The following TMEM117 variants were observed in gnomAD, a reference collection of about 807,000 sequenced individuals.
TMEM117 encodes transmembrane protein 117.
In TMEM117, 27 loss-of-function variants were observed where a neutral mutation model predicts 52.4. The observed-to-expected ratio is 0.51, with a 90% CI of 0.38 to 0.71. The LOEUF (loss-of-function observed/expected upper bound fraction) is 0.71, where lower values mean the gene tolerates loss of function less well. TMEM117 is among the 30% of genes least tolerant of loss of function. The probability of loss-of-function intolerance (pLI) is 0.00; values close to 1 mark genes in which losing one functional copy is unlikely to be tolerated. For synonymous variants in TMEM117, 215 were observed against 206.3 expected (o/e 1.04, Z -0.36); for missense variants, 556 against 630.5 (o/e 0.88, Z 1.26).
chr12:44,019,851 C>G (rs1946429521), intron 3 of TMEM117, among the ~76,000 whole-genome samples: 1 of 152,128 alleles, frequency 6.6e-6, no homozygotes, highest in Non-Finnish European at 1.5e-5. Flanking sequence ...ATGAATCCCC[C>G]CAAACTTCTT....
At position 44,290,315 on chromosome 12, in the gene TMEM117, C is replaced by G. The variant is rs538574198; in HGVS notation, c.609-9265C>G. Among the ~76,000 whole-genome samples the G allele has an allele frequency of 1.3e-4, 20 of 152,208 alleles. No homozygotes were observed. In the South Asian group the frequency reaches 2.5e-3, roughly 19 times the overall value. On this transcript the variant is annotated intron_variant, in intron 5 of 7. Transcript: ENST00000266534. ...CATTGCCAATACGAATGTCAAGGAGCTTTTTCCCTGTTTTCTTATAAGAGT... is the reference window on the plus strand; with the variant it reads ...CATTGCCAATACGAATGTCAAGGAGGTTTTTCCCTGTTTTCTTATAAGAGT...
At chr12:43,822,624 T>C in the TMEM117 span, among the ~76,000 whole-genome samples, 1 of 152,162 alleles carries the variant, frequency 6.6e-6, no homozygotes, top group Non-Finnish European at 1.5e-5. Context: ...ATAAATGATA[T>C]GTTTACCTGT....
At chr12:43,859,062 G>A (rs1447693907) in intron 2 of TMEM117, among the ~76,000 whole-genome samples, 1 of 152,178 alleles carries the variant, frequency 6.6e-6, no homozygotes, top group Non-Finnish European at 1.5e-5. Context: ...ATCTCAGAGT[G>A]AATGGAATTG....
intron 6 of TMEM117, among the ~76,000 whole-genome samples, chr12:44,315,130 T>A (rs1951037921): frequency 6.6e-6 from 1 of 152,206 alleles, no homozygotes; most frequent in Non-Finnish European, 1.5e-5. Flanking sequence ...TTGCACTTTT[T>A]TGGATCTTCT....
At chr12:44,268,263 A>G (rs11615732) in intron 5 of TMEM117, among the ~76,000 whole-genome samples, 4,647 of 151,748 alleles carry the variant, frequency 0.031, 108 homozygotes, top group Admixed American at 0.044. Context: ...TCAAGCTCCC[A>G]AGTAGCTAGG....
chr12:43,905,567 G>A (rs5019975), intron 2 of TMEM117, among the ~76,000 whole-genome samples: 108,730 of 151,770 alleles, frequency 0.72, 42,028 homozygotes, highest in East Asian at 0.87. Flanking sequence ...AACCATAATG[G>A]GTAATAGCAG....
At chr12:43,799,377 G>A in the TMEM117 span, 1 of 1,500,762 alleles carries the variant, frequency 6.7e-7, no homozygotes, top group African/African-American at 1.4e-5. Context: ...ATCTTGCAAA[G>A]ACTTTGTAGT....
intron 6 of TMEM117, among the ~76,000 whole-genome samples, chr12:44,337,520 C>G (rs747361227): frequency 2.6e-5 from 4 of 151,966 alleles, no homozygotes; most frequent in Admixed American, 6.6e-5. Flanking sequence ...AAAGAGATCT[C>G]AGGAGATGAA....
At chr12:44,344,458 G>A (rs1462459154) in intron 6 of TMEM117, among the ~76,000 whole-genome samples, 1 of 151,944 alleles carries the variant, frequency 6.6e-6, no homozygotes, top group African/African-American at 2.4e-5. Context: ...ATTTCTGCTA[G>A]GCCTCTCAAA....
chr12:44,069,569 A>G (rs112525153), intron 3 of TMEM117, among the ~76,000 whole-genome samples: 16 of 152,172 alleles, frequency 1.1e-4, no homozygotes, highest in African/African-American at 3.6e-4. Context: ...GAGGTCAGAA[A>G]GTTCATAAGG....
chr12:44,386,801 T>A (rs928211369), intron 7 of TMEM117, among the ~76,000 whole-genome samples: 2 of 152,128 alleles, frequency 1.3e-5, no homozygotes, highest in Non-Finnish European at 2.9e-5. Flanking sequence ...TATTTAGCCT[T>A]ACATATAATA....
At chr12:44,334,250 G>T (rs1048235199) in intron 6 of TMEM117, among the ~76,000 whole-genome samples, 7 of 151,994 alleles carry the variant, frequency 4.6e-5, no homozygotes, top group Admixed American at 2.6e-4. Flanking sequence ...AATTGTATCT[G>T]CTGTGGAAAT....
intron 6 of TMEM117, among the ~76,000 whole-genome samples, chr12:44,315,927 ATCTT>A (rs1276004618): frequency 2.0e-5 from 3 of 152,154 alleles, no homozygotes; most frequent in Non-Finnish European, 2.9e-5. Context: ...TTCATGATAG[ATCTT>A]TCTTTCTCCA....
At chr12:43,837,679 G>A (rs11182293) in intron 1 of TMEM117, among the ~76,000 whole-genome samples, 47,132 of 152,068 alleles carry the variant, frequency 0.31, 11,853 homozygotes, top group African/African-American at 0.7. Flanking sequence ...CACTGAAAAG[G>A]AGGTCTAAAC....
intron 3 of TMEM117, among the ~76,000 whole-genome samples, chr12:44,082,244 A>G (rs1440020173): frequency 1.3e-5 from 2 of 151,934 alleles, no homozygotes; most frequent in Admixed American, 6.6e-5. Flanking sequence ...TGAGTTAGAA[A>G]GTAACAATTA....
At chr12:44,166,083 A>T (rs1948963355) in intron 4 of TMEM117, among the ~76,000 whole-genome samples, 1 of 152,204 alleles carries the variant, frequency 6.6e-6, no homozygotes, top group Admixed American at 6.5e-5. Context: ...TACAAACTGT[A>T]CAAATACAAG....
At chr12:43,961,397 C>A (rs1367923277) in intron 3 of TMEM117, among the ~76,000 whole-genome samples, 1 of 151,706 alleles carries the variant, frequency 6.6e-6, no homozygotes, top group Admixed American at 6.6e-5. Context: ...CAAATGAATA[C>A]CTGGCTCCAG....
chr12:43,848,506 G>T (rs1290025730), intron 2 of TMEM117, among the ~76,000 whole-genome samples: 1 of 152,104 alleles, frequency 6.6e-6, no homozygotes, highest in East Asian at 1.9e-4. Flanking sequence ...CCGTTTATAG[G>T]CTCTCTGCAA....
intron 4 of TMEM117, among the ~76,000 whole-genome samples, chr12:44,180,157 G>A (rs1949172006): frequency 6.6e-6 from 1 of 152,134 alleles, no homozygotes; most frequent in South Asian, 2.1e-4. Flanking sequence ...CCAGTTCCCA[G>A]TGTTAACAGT....
Sources: gnomAD v4.1 joint callset for allele counts (sites outside exome capture counted in the v4.1 genomes callset) on GRCh38, gnomAD v4.1.1 for gene constraint, MANE v1.5 for transcripts, NCBI Gene and HGNC (gene_info 2026-07-23, HGNC 2026-07-21) for gene names.